CD59: variants seen among roughly 807,000 people sequenced by gnomAD.
CD59 encodes the protein CD59 glycoprotein.
CD59 carries 3 observed loss-of-function variants against 7.0 expected under a neutral mutation model. The observed-to-expected ratio is 0.43, with a 90% CI of 0.19 to 1.10. CD59 has a LOEUF of 1.10. Among genes scored for constraint, CD59 ranks in the 50% least tolerant of loss-of-function variants. The pLI, the probability that CD59 is intolerant of heterozygous loss-of-function variation, is 0.29. For synonymous variants in CD59, 60 were observed against 62.0 expected (o/e 0.97, Z 0.15); for missense variants, 143 against 151.0 (o/e 0.95, Z 0.28).
rs1853442242 is a variant in CD59, at chr11:33,709,360, TAG to T, written c.*764_*765del. 1 of 154,340 alleles carries T rather than the reference TAG, an allele frequency of 6.5e-6. No individual in the cohort carries two copies. Among genetic ancestry groups the T allele is most frequent in the Non-Finnish European group, 1.4e-5 (1 of 69,574 alleles). 9.6% of individuals were successfully genotyped at this position (154,340 alleles called of 1,614,324 possible). ...ACTTAATACTGCCAGTCACATGTAGTAGAGTGTTCACTCTGTAACTGTGTGTG... is the reference window on the plus strand; with the variant it reads ...ACTTAATACTGCCAGTCACATGTAGTAGTGTTCACTCTGTAACTGTGTGTG... On this transcript the variant is annotated 3_prime_UTR_variant, in exon 4 of 4. Coordinates refer to ENST00000642928, the MANE Select transcript of CD59 (RefSeq NM_000611.6).
intron 2 of CD59, among the ~76,000 whole-genome samples, chr11:33,722,109 C>A: frequency 6.6e-6 from 1 of 152,104 alleles, no homozygotes; most frequent in Admixed American, 6.5e-5. Flanking sequence ...CTTATGGTGA[C>A]AGGAGTGAAA....
At chr11:33,724,091 AC>A (rs2133562059) in intron 1 of CD59, among the ~76,000 whole-genome samples, 1 of 152,270 alleles carries the variant, frequency 6.6e-6, no homozygotes, top group African/African-American at 2.4e-5. Flanking sequence ...CCTGGGTGAC[AC>A]AGCAAGGTCC....
intron 1 of CD59, among the ~76,000 whole-genome samples, chr11:33,725,730 C>T (rs779751960): frequency 3.3e-4 from 50 of 152,080 alleles, no homozygotes; most frequent in Non-Finnish European, 6.0e-4. Flanking sequence ...TTTAGTGATA[C>T]ACACATCCAA....
chr11:33,724,289 G>C (rs952457158), intron 1 of CD59, among the ~76,000 whole-genome samples: 2 of 152,220 alleles, frequency 1.3e-5, no homozygotes, highest in Non-Finnish European at 2.9e-5. Context: ...ACAACACACA[G>C]GGCCCCTGAT....
chr11:33,731,682 TAGAGG>T (rs1854421441), intron 1 of CD59, among the ~76,000 whole-genome samples: 1 of 152,188 alleles, frequency 6.6e-6, no homozygotes, highest in South Asian at 2.1e-4. Flanking sequence ...ACCACTGGGT[TAGAGG>T]GTGACCTGGC....
intron 1 of CD59, among the ~76,000 whole-genome samples, chr11:33,734,108 C>T (rs1854495904): frequency 6.6e-6 from 1 of 152,304 alleles, no homozygotes; most frequent in South Asian, 2.1e-4. Flanking sequence ...CTTTTGAACC[C>T]CAGGTCTGCG....
At chr11:33,732,256 A>AGGAGGGACCT (rs1364751082) in intron 1 of CD59, among the ~76,000 whole-genome samples, 1 of 150,948 alleles carries the variant, frequency 6.6e-6, no homozygotes, top group African/African-American at 2.4e-5. Context: ...CCAGTGTCGG[A>AGGAGGGACCT]GGAGGGACCT....
At chr11:33,729,435 CAT>C (rs1285280213) in intron 1 of CD59, among the ~76,000 whole-genome samples, 1 of 151,912 alleles carries the variant, frequency 6.6e-6, no homozygotes, top group East Asian at 1.9e-4. Flanking sequence ...CCAAACACCA[CAT>C]GTTCTCACTT....
intron 2 of CD59, among the ~76,000 whole-genome samples, chr11:33,721,534 A>G (rs1043007401): frequency 4.6e-5 from 7 of 152,246 alleles, no homozygotes; most frequent in Non-Finnish European, 1.0e-4. Flanking sequence ...ACAAAAAACC[A>G]GCAGTGGCCA....
At chr11:33,711,545 G>A (rs1176200196) in intron 3 of CD59, 1 of 618,410 alleles carries the variant, frequency 1.6e-6, no homozygotes, top group African/African-American at 1.9e-5. Context: ...CAGGCAGGGT[G>A]TTGCGCCTTT....
chr11:33,710,190 G>T lies in CD59; in HGVS notation c.323C>A (p.Ser108Ter), dbSNP rs749308157. ...CACCAGCAGAAGAACTGTTTTCTCTGATAAGGATGTCCCACCATTTTCAAG... is the reference window on the plus strand; with the variant it reads ...CACCAGCAGAAGAACTGTTTTCTCTTATAAGGATGTCCCACCATTTTCAAG... ...EQLENGGTSL[S>*]EKTVLLLVTP... The change falls in exon 4 of 4, where the codon TCA (serine) becomes TAA (stop). Residue 108 changes from serine (S) to a stop codon, truncating the protein, a stop_gained. Coordinates refer to ENST00000642928, the MANE Select transcript of CD59 (RefSeq NM_000611.6). LOFTEE classifies it low-confidence loss of function (END_TRUNC). 2 of 1,614,114 alleles carry T rather than the reference G, an allele frequency of 1.2e-6. No individual in the cohort carries two copies. The highest frequency in any genetic ancestry group is 2.2e-5 in the South Asian group (2 of 91,072).
chr11:33,728,460 C>T (rs1450204033), intron 1 of CD59, among the ~76,000 whole-genome samples: 2 of 152,178 alleles, frequency 1.3e-5, no homozygotes, highest in African/African-American at 2.4e-5. Flanking sequence ...AGAAAACTGG[C>T]TAGCCATATG....
chr11:33,735,742 C>A (rs1441391728), intron 1 of CD59, among the ~76,000 whole-genome samples: 1 of 152,042 alleles, frequency 6.6e-6, no homozygotes, highest in Non-Finnish European at 1.5e-5. Context: ...ATGGGAAAAC[C>A]CCGTTTCTAC....
chr11:33,707,533 G>C lies in CD59; in HGVS notation c.*2593C>G, dbSNP rs1853361324. 6.6e-6 allele frequency: 1 copy of C among 152,224 alleles called. No individual in the cohort carries two copies. The highest frequency in any genetic ancestry group is 1.5e-5 in the Non-Finnish European group (1 of 68,074). The allele number at this position is 152,224 out of a possible 1,614,324, so 9.4% of individuals were successfully genotyped here. On this transcript the variant is annotated 3_prime_UTR_variant, in exon 4 of 4. Transcript: ENST00000642928. Reference sequence around the variant, plus strand: ...ATCCCCCCAAGGGGACAATCCAATGGGCTTATCACCACCCAATACTGAACA... The same window carrying C: ...ATCCCCCCAAGGGGACAATCCAATGCGCTTATCACCACCCAATACTGAACA...
intron 3 of CD59, chr11:33,711,578 G>A (rs1853561283): frequency 6.9e-6 from 4 of 579,146 alleles, no homozygotes; most frequent in South Asian, 2.1e-5. Flanking sequence ...TTGGGAGGCT[G>A]AGGCAGGAGG....
intron 1 of CD59, chr11:33,723,080 C>T: frequency 2.1e-6 from 1 of 478,316 alleles, no homozygotes; most frequent in South Asian, 8.2e-5. Flanking sequence ...CCTGAAATGC[C>T]TCCAACCCTA....
At chr11:33,718,779 G>A (rs1203432770) in intron 2 of CD59, 3 of 152,180 alleles carry the variant, frequency 2.0e-5, no homozygotes, top group Non-Finnish European at 4.4e-5. Flanking sequence ...CTAGCTGTCA[G>A]TTTTTGCTGG....
chr11:33,719,732 T>TA (rs1853965965), intron 2 of CD59: 1 of 152,264 alleles, frequency 6.6e-6, no homozygotes, highest in Admixed American at 6.5e-5. Flanking sequence ...GACACCTGGC[T>TA]ACAAAGCAGC....
intron 2 of CD59, chr11:33,718,000 T>A (rs75397212): frequency 0.021 from 3,823 of 183,014 alleles, 150 homozygotes; most frequent in African/African-American, 0.084. Context: ...GAACCCCAAT[T>A]AAGCAAATGG....
Sources: allele counts gnomAD v4.1 joint callset (sites outside exome capture counted in the v4.1 genomes callset), GRCh38; gene constraint gnomAD v4.1.1; transcripts MANE v1.5; gene names NCBI Gene and HGNC (gene_info 2026-07-23, HGNC 2026-07-21).